The following PCDHB4 variants were observed in gnomAD, a reference collection of about 807,000 sequenced individuals.
PCDHB4 encodes protocadherin beta-4.
For missense variants in PCDHB4, 1,063 were observed against 1,007.0 expected (o/e 1.06, Z -0.75); for synonymous variants, 482 against 447.3 (o/e 1.08, Z -0.98).
chr5:141,122,681 G>T lies in PCDHB4; in HGVS notation c.683G>T (p.Arg228Leu). 1 of 1,614,154 alleles carries T rather than the reference G, an allele frequency of 6.2e-7. No homozygotes were observed. The highest frequency in any genetic ancestry group is 8.5e-7 in the Non-Finnish European group (1 of 1,180,020). ...CCTAGGTCTGGCACGGTCATGGTTCGAATCCTGATCATGGACATCAATGAC... is the reference window on the plus strand; with the variant it reads ...CCTAGGTCTGGCACGGTCATGGTTCTAATCCTGATCATGGACATCAATGAC... ...SPPRSGTVMV[R>L]ILIMDINDNA... is the part of the protein sequence containing the mutation. Residue 228 changes from arginine to leucine, a missense_variant, in exon 1 of 1, where the codon CGA (arginine) becomes CTA (leucine). Physicochemically the swap from Arg to Leu is moderately radical, Grantham distance 102. Coordinates refer to ENST00000194152, the MANE Select transcript of PCDHB4 (RefSeq NM_018938.4).
chr5:141,124,035 G>C lies in PCDHB4; in HGVS notation c.2037G>C (p.Gln679His). The C allele has an allele frequency of 6.2e-7, 1 of 1,606,212 alleles. No homozygotes were observed. Among genetic ancestry groups the C allele is most frequent in the Non-Finnish European group, 8.5e-7 (1 of 1,179,730 alleles). Residue 679 changes from glutamine to histidine, a missense_variant, in exon 1 of 1, where the codon CAG (glutamine) becomes CAC (histidine). Physicochemically the swap from Gln to His is conservative, Grantham distance 24 (BLOSUM62 0). Transcript: ENST00000194152. ...YLPLPEAAPAQAQADSLTVYL... is the reference protein window; with the variant it reads ...YLPLPEAAPAHAQADSLTVYL... ...CTCTCCCTGAGGCGGCCCCGGCCCA[G>C]GCCCAGGCCGACTCTCTCACCGTCT...
At position 141,122,568 on chromosome 5, in the gene PCDHB4, C is replaced by A. The variant is rs553726295; in HGVS notation, c.570C>A (p.Tyr190Ter). ...LTRNHSEGKK[Y>*]PDLVQDKPLD... Reference sequence around the variant, plus strand: ...GAAATCATAGTGAGGGCAAGAAATACCCAGATTTGGTGCAGGACAAACCAC... The same window carrying A: ...GAAATCATAGTGAGGGCAAGAAATAACCAGATTTGGTGCAGGACAAACCAC... The change falls in exon 1 of 1, where the codon TAC (tyrosine) becomes TAA (stop). Residue 190 changes from tyrosine (Y) to a stop codon, truncating the protein, a stop_gained. Transcript: ENST00000194152. LOFTEE classifies it low-confidence loss of function (END_TRUNC). 1 of 1,614,194 alleles carries A rather than the reference C, an allele frequency of 6.2e-7. No homozygotes were observed. Among genetic ancestry groups the A allele is most frequent in the East Asian group, 2.2e-5 (1 of 44,880 alleles).
rs782292167 is a variant in PCDHB4, at chr5:141,122,910, A to G, written c.912A>G (p.Lys304=). The change falls in exon 1 of 1, where the codon AAA becomes AAG. Residue 304 remains lysine, a synonymous_variant. Coordinates refer to ENST00000194152, the MANE Select transcript of PCDHB4 (RefSeq NM_018938.4). The stretch of plus-strand genomic sequence containing the variant: ...TCACGGGAGAAATACTGTTGAAAAA[A>G]AAATTGGATTTCGAAAAAATTAAAT... ...NEVTGEILLK[K]KLDFEKIKSY... 5.6e-6 allele frequency: 9 copies of G among 1,608,802 alleles called. No individual in the cohort carries two copies. In the Admixed American group the frequency reaches 1.5e-4, roughly 27 times the overall value.
rs1554274786 is a variant in PCDHB4, at chr5:141,124,372, T to C, written c.2374T>C (p.Leu792=). 1 of 1,607,846 alleles carries C rather than the reference T, an allele frequency of 6.2e-7. No homozygotes were observed. Among genetic ancestry groups the C allele is most frequent in the Admixed American group, 1.7e-5 (1 of 59,270 alleles). The change falls in exon 1 of 1, where the codon TTG becomes CTG. Residue 792 remains leucine (L), a synonymous_variant. Coordinates refer to ENST00000194152, the MANE Select transcript of PCDHB4 (RefSeq NM_018938.4). ...VKENPKFRNS[L]VFS ...GGAAAACCCCAAGTTCAGAAATAGC[T>C]TGGTATTCAGTTAAGTATTGTATTT...
chr5:141,124,480 T>G lies in PCDHB4; in HGVS notation c.*94T>G. Reference sequence around the variant, plus strand: ...AAAAAATTGTCTACTTATCTAAATATTCATACCACAATTTCAAACCTACTC... The same window carrying G: ...AAAAAATTGTCTACTTATCTAAATAGTCATACCACAATTTCAAACCTACTC... On this transcript the variant is annotated 3_prime_UTR_variant, in exon 1 of 1. Transcript: ENST00000194152. 1 of 1,093,724 alleles carries G rather than the reference T, an allele frequency of 9.1e-7. No individual in the cohort carries two copies. The highest frequency in any genetic ancestry group is 1.3e-6 in the Non-Finnish European group (1 of 774,134). 67.8% of individuals were successfully genotyped at this position (1,093,724 alleles called of 1,614,324 possible). A position where few individuals can be genotyped will look rare whatever the true frequency, so the allele number is the denominator to read the frequency against.
Position 141,124,790 on chromosome 5 carries a change from C to A in PCDHB4, c.*404C>A. On this transcript the variant is annotated 3_prime_UTR_variant, in exon 1 of 1. Transcript: ENST00000194152. Reference sequence around the variant, plus strand: ...ACCATGTAACTTAATGTTTGCAAGGCCAGAGTGTTTGAAAGTTTTGTATTT... The same window carrying A: ...ACCATGTAACTTAATGTTTGCAAGGACAGAGTGTTTGAAAGTTTTGTATTT... The A allele has an allele frequency of 6.3e-6, 1 of 157,772 alleles. No individual in the cohort carries two copies. The highest frequency in any genetic ancestry group is 1.9e-4 in the South Asian group (1 of 5,130). 9.8% of individuals were successfully genotyped at this position (157,772 alleles called of 1,614,324 possible).
At position 141,124,028 on chromosome 5, in the gene PCDHB4, C is replaced by G. The variant is rs1350150892; in HGVS notation, c.2030C>G (p.Pro677Arg). The change falls in exon 1 of 1, where the codon CCG becomes CGG. Residue 677 changes from proline (P) to arginine (R), a missense_variant. Coordinates refer to ENST00000194152, the MANE Select transcript of PCDHB4 (RefSeq NM_018938.4). ...TACCTGCCTCTCCCTGAGGCGGCCC[C>G]GGCCCAGGCCCAGGCCGACTCTCTC... The part of the protein sequence containing the change: ...QPYLPLPEAA[P>R]AQAQADSLTV... 4 of 1,605,982 alleles carry G rather than the reference C, an allele frequency of 2.5e-6. No homozygotes were observed. Among genetic ancestry groups the G allele is most frequent in the Non-Finnish European group, 3.4e-6 (4 of 1,179,730 alleles).
At position 141,121,988 on chromosome 5, in the gene PCDHB4, T is replaced by C. The variant is rs782688120; in HGVS notation, c.-11T>C. 1 of 1,560,488 alleles carries C rather than the reference T, an allele frequency of 6.4e-7. No individual in the cohort carries two copies. Among genetic ancestry groups the C allele is most frequent in the Non-Finnish European group, 8.7e-7 (1 of 1,152,664 alleles). On this transcript the variant is annotated 5_prime_UTR_variant, in exon 1 of 1. Transcript: ENST00000194152. ...GCTGAGGGGATTGGATATAGGGACC[T>C]GGACTCCAACATGAAGAAGCTAGGG...
At position 141,123,479 on chromosome 5, in the gene PCDHB4, A is replaced by C. The variant is rs1588317328; in HGVS notation, c.1481A>C (p.Asp494Ala). 6.2e-7 allele frequency: 1 copy of C among 1,613,178 alleles called. No individual in the cohort carries two copies. The highest frequency in any genetic ancestry group is 1.1e-5 in the South Asian group (1 of 91,038). Residue 494 changes from aspartate to alanine, a missense_variant, in exon 1 of 1, where the codon GAC becomes GCC. Asp to Ala is a moderately radical substitution (Grantham distance 126). Transcript: ENST00000194152. ...QVTYSLLPPQDPHLPLASLVS... is the reference protein window; with the variant it reads ...QVTYSLLPPQAPHLPLASLVS... ...ACCTACTCGCTGCTGCCGCCCCAGG[A>C]CCCGCACCTGCCCCTCGCCTCCCTG...
rs1014824068 is a variant in PCDHB4 at position 141,121,838 on chromosome 5, G to A, written c.-161G>A. The stretch of plus-strand genomic sequence containing the variant: ...AAAACACACGGAAGAAGCGTTACAA[G>A]CAGTGCAGGTTTACCAACGGCTTGG... On this transcript the variant is annotated 5_prime_UTR_variant, in exon 1 of 1. Transcript: ENST00000194152. 3.5e-6 allele frequency: 2 copies of A among 563,970 alleles called. No homozygotes were observed. The allele number at this position is 563,970 out of a possible 1,614,324, so 34.9% of individuals were successfully genotyped here.
At position 141,122,337 on chromosome 5, in the gene PCDHB4, G is replaced by C. The variant is rs782375210; in HGVS notation, c.339G>C (p.Val113=). 6.2e-7 allele frequency: 1 copy of C among 1,614,074 alleles called. No homozygotes were observed. The highest frequency in any genetic ancestry group is 8.5e-7 in the Non-Finnish European group (1 of 1,180,004). ...TCCAAGTGTTCCTGGAAATGCCGGT[G>C]CAATTTTTTCAAGGAGAATTATTGA... The part of the protein sequence containing the change: ...LHFQVFLEMP[V]QFFQGELLIQ... The change falls in exon 1 of 1, where the codon GTG becomes GTC. Residue 113 remains valine (V), a synonymous_variant. Coordinates refer to ENST00000194152, the MANE Select transcript of PCDHB4 (RefSeq NM_018938.4).
At position 141,123,232 on chromosome 5, in the gene PCDHB4, A is replaced by G. The variant is rs781785793; in HGVS notation, c.1234A>G (p.Thr412Ala). ...LVTERPLDRE[T>A]SAEYNITIAV... Reference sequence around the variant, plus strand: ...AACAGAGAGACCACTGGACCGAGAGACCAGCGCTGAGTACAACATCACCAT... The same window carrying G: ...AACAGAGAGACCACTGGACCGAGAGGCCAGCGCTGAGTACAACATCACCAT... Residue 412 changes from threonine to alanine, a missense_variant, in exon 1 of 1, where the codon ACC becomes GCC. Coordinates refer to ENST00000194152, the MANE Select transcript of PCDHB4 (RefSeq NM_018938.4). The G allele has an allele frequency of 6.2e-7, 1 of 1,614,190 alleles. No individual in the cohort carries two copies. The highest frequency in any genetic ancestry group is 1.1e-5 in the South Asian group (1 of 91,068).
At position 141,124,120 on chromosome 5, in the gene PCDHB4, G is replaced by T; in HGVS notation, c.2122G>T (p.Val708Leu). ...CTTCCTCTTCTCGGTGCTCCTGTTCGTGGCGGTGCGGCTGTGCAGGAGGAG... is the reference window on the plus strand; with the variant it reads ...CTTCCTCTTCTCGGTGCTCCTGTTCTTGGCGGTGCGGCTGTGCAGGAGGAG... ...SLFLFSVLLF[V>L]AVRLCRRSRA... The change falls in exon 1 of 1, where the codon GTG becomes TTG. Residue 708 changes from valine to leucine, a missense_variant. By Grantham distance (32) the Val-to-Leu change is conservative. Transcript: ENST00000194152. 9.3e-6 allele frequency: 15 copies of T among 1,610,940 alleles called. No individual in the cohort carries two copies. Among genetic ancestry groups the T allele is most frequent in the Non-Finnish European group, 1.3e-5 (15 of 1,179,872 alleles).
rs782665293 is a variant in PCDHB4, at chr5:141,123,058, T to A, written c.1060T>A (p.Ser354Thr). Reference protein sequence around the residue: ...PELIISSLTSSIPENAPETVV... With the variant: ...PELIISSLTSTIPENAPETVV... Reference sequence around the variant, plus strand: ...ACTTATCATATCTTCACTCACCAGCTCCATCCCAGAAAATGCTCCTGAGAC... The same window carrying A: ...ACTTATCATATCTTCACTCACCAGCACCATCCCAGAAAATGCTCCTGAGAC... The change falls in exon 1 of 1, where the codon TCC becomes ACC. Residue 354 changes from serine to threonine, a missense_variant. Physicochemically the swap from Ser to Thr is moderately conservative, Grantham distance 58. Coordinates refer to ENST00000194152, the MANE Select transcript of PCDHB4 (RefSeq NM_018938.4). The A allele has an allele frequency of 2.6e-5, 42 of 1,613,708 alleles. No homozygotes were observed. The highest frequency in any genetic ancestry group is 3.6e-5 in the Non-Finnish European group (42 of 1,179,834).
Position 141,123,262 on chromosome 5 carries a change from G to A in PCDHB4, c.1264G>A (p.Val422Ile), listed in dbSNP as rs781908551. Reference sequence around the variant, plus strand: ...CGCTGAGTACAACATCACCATCGCCGTCACTGACTTGGGGACACCCAGGCT... The same window carrying A: ...CGCTGAGTACAACATCACCATCGCCATCACTGACTTGGGGACACCCAGGCT... The part of the protein sequence containing the change: ...TSAEYNITIA[V>I]TDLGTPRLKT... The change falls in exon 1 of 1, where the codon GTC (valine) becomes ATC (isoleucine). Residue 422 changes from valine (V) to isoleucine (I), a missense_variant. Coordinates refer to ENST00000194152, the MANE Select transcript of PCDHB4 (RefSeq NM_018938.4). 1.2e-6 allele frequency: 2 copies of A among 1,614,096 alleles called. No homozygotes were observed. Among genetic ancestry groups the A allele is most frequent in the South Asian group, 1.1e-5 (1 of 91,060 alleles).
At position 141,122,264 on chromosome 5, in the gene PCDHB4, T is replaced by G. The variant is rs1752299487; in HGVS notation, c.266T>G (p.Leu89Arg). The G allele has an allele frequency of 2.5e-6, 4 of 1,613,978 alleles. No homozygotes were observed. Among genetic ancestry groups the G allele is most frequent in the Non-Finnish European group, 3.4e-6 (4 of 1,180,042 alleles). ...GGAGATTTGCTTCTGAGGGAGAAAC[T>G]AGACCGGGAAGAGCTCTGTGGTCCT... The part of the protein sequence containing the change: ...QTGDLLLREK[L>R]DREELCGPIE... The change falls in exon 1 of 1, where the codon CTA (leucine) becomes CGA (arginine). Residue 89 changes from leucine to arginine, a missense_variant. Transcript: ENST00000194152.
In PCDHB4 at chr5:141,122,264, T is replaced by A; in HGVS notation, c.266T>A (p.Leu89Gln). ...GGAGATTTGCTTCTGAGGGAGAAACTAGACCGGGAAGAGCTCTGTGGTCCT... is the reference window on the plus strand; with the variant it reads ...GGAGATTTGCTTCTGAGGGAGAAACAAGACCGGGAAGAGCTCTGTGGTCCT... ...QTGDLLLREK[L>Q]DREELCGPIE... The change falls in exon 1 of 1, where the codon CTA becomes CAA. Residue 89 changes from leucine (L) to glutamine (Q), a missense_variant. By Grantham distance (113) the Leu-to-Gln change is moderately radical. Transcript: ENST00000194152. The A allele has an allele frequency of 6.2e-7, 1 of 1,614,096 alleles. No individual in the cohort carries two copies. Among genetic ancestry groups the A allele is most frequent in the Non-Finnish European group, 8.5e-7 (1 of 1,180,034 alleles).
chr5:141,123,051 C>A lies in PCDHB4; in HGVS notation c.1053C>A (p.Leu351=), dbSNP rs782516526. 1 of 1,613,746 alleles carries A rather than the reference C, an allele frequency of 6.2e-7. No individual in the cohort carries two copies. Among genetic ancestry groups the A allele is most frequent in the East Asian group, 2.2e-5 (1 of 44,882 alleles). ...CCCCAGAACTTATCATATCTTCACTCACCAGCTCCATCCCAGAAAATGCTC... is the reference window on the plus strand; with the variant it reads ...CCCCAGAACTTATCATATCTTCACTAACCAGCTCCATCCCAGAAAATGCTC... The part of the protein sequence containing the change: ...DNPPELIISS[L]TSSIPENAPE... The change falls in exon 1 of 1, where the codon CTC becomes CTA. Residue 351 remains leucine (L), a synonymous_variant. Coordinates refer to ENST00000194152, the MANE Select transcript of PCDHB4 (RefSeq NM_018938.4).
Position 141,124,514 on chromosome 5 carries a change from G to C in PCDHB4, c.*128G>C, listed in dbSNP as rs1752379550. 2 of 797,490 alleles carry C rather than the reference G, an allele frequency of 2.5e-6. No individual in the cohort carries two copies. The highest frequency in any genetic ancestry group is 3.8e-6 in the Non-Finnish European group (2 of 522,454). 49.4% of individuals were successfully genotyped at this position (797,490 alleles called of 1,614,324 possible). ...CAATTTCAAACCTACTCATGTCCCT[G>C]ATAAAGCTAAATTTGTCCCTTTTTT... On this transcript the variant is annotated 3_prime_UTR_variant, in exon 1 of 1. Transcript: ENST00000194152.
Sources: gnomAD v4.1 joint callset for allele counts on GRCh38, gnomAD v4.1.1 for gene constraint, MANE v1.5 for transcripts, NCBI Gene and HGNC (gene_info 2026-07-23, HGNC 2026-07-21) for gene names.